The following MUC7 variants were observed in gnomAD, a reference collection of about 807,000 sequenced individuals.
MUC7 encodes mucin 7, secreted, also known as mucin-7.
In MUC7, 2 loss-of-function variants were observed where a neutral mutation model predicts 2.5. The ratio of observed to expected loss-of-function variants is 0.81; its 90% CI spans 0.33 to 2.55. MUC7 has a LOEUF of 2.55. Ranked by LOEUF, MUC7 falls within the 30% of genes most tolerant of loss-of-function variation. The pLI is 0.11. For missense variants in MUC7, 408 were observed against 455.6 expected (o/e 0.90, Z 0.95); for synonymous variants, 133 against 173.4 (o/e 0.77, Z 1.83).
intron 1 of MUC7, among the ~76,000 whole-genome samples, chr4:70,432,213 T>C (rs1733686696): frequency 6.6e-6 from 1 of 152,252 alleles, no homozygotes; most frequent in East Asian, 1.9e-4. Flanking sequence ...AGCATACCTG[T>C]GCATGTGTCT....
At chr4:70,467,780 C>A (rs1444095420), upstream of MUC7, among the ~76,000 whole-genome samples, 2 of 152,012 alleles carry the variant, frequency 1.3e-5, no homozygotes, top group East Asian at 3.9e-4. Context: ...AGTCTACCAA[C>A]CAAAAAAAGT....
At chr4:70,438,558 G>C (rs1407986296) in intron 1 of MUC7, among the ~76,000 whole-genome samples, 2 of 152,114 alleles carry the variant, frequency 1.3e-5, no homozygotes, top group Non-Finnish European at 2.9e-5. Context: ...CCAGGTTCAA[G>C]CAATTCTCCA....
intron 1 of MUC7, among the ~76,000 whole-genome samples, chr4:70,448,027 G>A (rs927799804): frequency 6.6e-6 from 1 of 152,048 alleles, no homozygotes; most frequent in Non-Finnish European, 1.5e-5. Context: ...ACAAATAGGT[G>A]GGAACTTGCC....
At chr4:70,470,267 G>T (rs1024129289), upstream of MUC7, among the ~76,000 whole-genome samples, 2 of 152,178 alleles carry the variant, frequency 1.3e-5, no homozygotes, top group Non-Finnish European at 2.9e-5. Context: ...GCAGGTGGGG[G>T]GCTGGGGGAG....
intron 1 of MUC7, among the ~76,000 whole-genome samples, chr4:70,463,204 A>C (rs894893641): frequency 1.3e-5 from 2 of 151,966 alleles, no homozygotes; most frequent in African/African-American, 4.8e-5. Flanking sequence ...AACCACAAAA[A>C]AAAATCCTAA....
rs1577900578 is a variant in MUC7 at position 70,444,417 on chromosome 4, G to C, written c.-93+13730G>C. Among the ~76,000 whole-genome samples, 3 of 152,208 alleles carry C rather than the reference G, an allele frequency of 2.0e-5. No individual in the cohort carries two copies. The East Asian group carries it at 5.8e-4, about 29-fold the overall frequency. On this transcript the variant is annotated intron_variant, in intron 1 of 3. Transcript: ENST00000413702. ...ACTACTTCAGCTTCTACCACATTGAGAGTGACCAACACTAGCCTACTCCTT... is the reference window on the plus strand; with the variant it reads ...ACTACTTCAGCTTCTACCACATTGACAGTGACCAACACTAGCCTACTCCTT...
chr4:70,440,092 A>G (rs1210262491), intron 1 of MUC7, among the ~76,000 whole-genome samples: 2 of 152,204 alleles, frequency 1.3e-5, no homozygotes, highest in Non-Finnish European at 2.9e-5. Flanking sequence ...AGATGCACAT[A>G]TATGGAAAGA....
At chr4:70,434,679 T>C (rs1307086314) in intron 1 of MUC7, among the ~76,000 whole-genome samples, 1 of 152,214 alleles carries the variant, frequency 6.6e-6, no homozygotes, top group African/African-American at 2.4e-5. Context: ...GATTCATTGA[T>C]TTTTTGAAGG....
intron 1 of MUC7, among the ~76,000 whole-genome samples, chr4:70,446,158 T>C (rs1734128872): frequency 6.6e-6 from 1 of 152,210 alleles, no homozygotes; most frequent in Admixed American, 6.5e-5. Context: ...ATATATTATG[T>C]GCATGGGTTA....
chr4:70,437,878 T>TA (rs147251179), intron 1 of MUC7, among the ~76,000 whole-genome samples: 14,455 of 152,110 alleles, frequency 0.095, 928 homozygotes, highest in African/African-American at 0.17. Context: ...GAGCTGCTTT[T>TA]AAAAAAATCT....
chr4:70,463,236 G>T (rs1360259863), intron 1 of MUC7, among the ~76,000 whole-genome samples: 1 of 152,002 alleles, frequency 6.6e-6, no homozygotes, highest in African/African-American at 2.4e-5. Flanking sequence ...CACAACAGAA[G>T]CTATCTTGAT....
intron 1 of MUC7, among the ~76,000 whole-genome samples, chr4:70,432,719 A>G (rs1427258561): frequency 1.3e-5 from 2 of 152,158 alleles, no homozygotes; most frequent in Non-Finnish European, 2.9e-5. Flanking sequence ...TTTGCTGTGC[A>G]GAAGCTCTTT....
At chr4:70,434,575 T>C (rs979028020) in intron 1 of MUC7, among the ~76,000 whole-genome samples, 1 of 152,242 alleles carries the variant, frequency 6.6e-6, no homozygotes, top group African/African-American at 2.4e-5. Context: ...ATCCCCTTTA[T>C]CATTTTTTAT....
intron 1 of MUC7, among the ~76,000 whole-genome samples, chr4:70,446,031 C>A (rs1267576546): frequency 2.0e-5 from 3 of 152,096 alleles, no homozygotes; most frequent in Admixed American, 2.0e-4. Context: ...GGAAGATGCC[C>A]AAGCACAGGG....
intron 1 of MUC7, among the ~76,000 whole-genome samples, chr4:70,462,134 G>T (rs377506444): frequency 9.2e-5 from 14 of 152,050 alleles, no homozygotes; most frequent in African/African-American, 3.1e-4. Flanking sequence ...GATCACTTGA[G>T]CCCAAAGGTC....
chr4:70,441,839 TCA>T (rs972627170), intron 1 of MUC7, among the ~76,000 whole-genome samples: 5 of 152,200 alleles, frequency 3.3e-5, no homozygotes, highest in African/African-American at 1.2e-4. Context: ...CCATTTTAGT[TCA>T]GTTTATTTTA....
intron 1 of MUC7, among the ~76,000 whole-genome samples, chr4:70,448,757 G>T (rs1406998173): frequency 1.3e-5 from 2 of 152,092 alleles, no homozygotes; most frequent in Admixed American, 6.6e-5. Context: ...TCTTTGCTGT[G>T]CAGAAGCTTT....
intron 1 of MUC7, among the ~76,000 whole-genome samples, chr4:70,464,570 AT>A (rs1367012287): frequency 6.6e-6 from 1 of 152,108 alleles, no homozygotes. Context: ...GGGGAGGGGA[AT>A]CTGCCATTAC....
At chr4:70,459,079 G>T (rs1176600702) in intron 1 of MUC7, among the ~76,000 whole-genome samples, 1 of 152,000 alleles carries the variant, frequency 6.6e-6, no homozygotes, top group Non-Finnish European at 1.5e-5. Context: ...CCAAATCCAG[G>T]TGAGAAAATT....
Sources: allele counts gnomAD v4.1 joint callset (sites outside exome capture counted in the v4.1 genomes callset), GRCh38; gene constraint gnomAD v4.1.1; transcripts MANE v1.5; gene names NCBI Gene and HGNC (gene_info 2026-07-23, HGNC 2026-07-21).